Variants in VPS41 observed in about 807,000 individuals in gnomAD.
VPS41 encodes the protein vacuolar protein sorting-associated protein 41 homolog.
VPS41 carries 85 observed loss-of-function variants against 130.9 expected under a neutral mutation model. That is an observed-to-expected ratio of 0.65 (90% CI 0.55 to 0.78). The LOEUF (loss-of-function observed/expected upper bound fraction) is 0.78. Ranked by LOEUF, VPS41 falls within the 30% of genes least tolerant of loss-of-function variation. VPS41 has a pLI of 0.00. For synonymous variants in VPS41, 335 were observed against 332.9 expected, an observed-to-expected ratio of 1.01 and a Z score of -0.07; for missense variants, 874 against 1,018.7, an observed-to-expected ratio of 0.86 and a Z score of 1.93.
rs1224847040 is a variant in VPS41 at position 38,885,267 on chromosome 7, G to T, written c.60+12824C>A. On this transcript the variant is annotated intron_variant, in intron 2 of 28. Coordinates refer to ENST00000310301, the MANE Select transcript of VPS41 (RefSeq NM_014396.4). ...TTTTTGTATTTTTAGTAGAGACGGG[G>T]TTTCACCGTATTAGCCAGGACGGTC... Among the ~76,000 whole-genome samples the T allele has an allele frequency of 2.0e-5, 3 of 152,140 alleles. No individual in the cohort carries two copies. In the East Asian group the frequency reaches 5.8e-4, roughly 29 times the overall value.
intron 10 of VPS41, among the ~76,000 whole-genome samples, chr7:38,788,618 G>A (rs1784481437): frequency 6.6e-6 from 1 of 152,018 alleles, no homozygotes; most frequent in Non-Finnish European, 1.5e-5. Context: ...TTATTTTCTA[G>A]TAGGCAAGGA....
At chr7:38,820,851 G>C (rs910366291) in intron 6 of VPS41, among the ~76,000 whole-genome samples, 3 of 152,116 alleles carry the variant, frequency 2.0e-5, no homozygotes, top group African/African-American at 7.2e-5. Flanking sequence ...TCACTGACAA[G>C]AACAGCTAAA....
chr7:38,830,115 G>T, intron 5 of VPS41, 139 bp downstream of exon 5: 1 of 676,620 alleles, frequency 1.5e-6, no homozygotes, highest in South Asian at 1.9e-5. Flanking sequence ...CTTCAATTAT[G>T]ACCAATCAGA....
Position 38,812,022 on chromosome 7 carries a change from T to A in VPS41, c.450+5795A>T, listed in dbSNP as rs913082780. Among the ~76,000 whole-genome samples, 9 of 152,106 alleles carry A rather than the reference T, an allele frequency of 5.9e-5. No homozygotes were observed. The East Asian group carries it at 1.7e-3, about 29-fold the overall frequency. On this transcript the variant is annotated intron_variant, in intron 7 of 28. Transcript: ENST00000310301. The stretch of plus-strand genomic sequence containing the variant: ...TAAGGTAGGCTAGGCTAAGATGTGA[T>A]GTTCAGTAGGTTAAGTATATCAAAT...
intron 25 of VPS41, among the ~76,000 whole-genome samples, chr7:38,735,473 GTA>G (rs556679904): frequency 8.5e-4 from 129 of 151,956 alleles, no homozygotes; most frequent in African/African-American, 2.9e-3. Context: ...TTTGGATGAG[GTA>G]TGTGTGTGTA....
chr7:38,785,124 C>T (rs939598170), intron 10 of VPS41, among the ~76,000 whole-genome samples: 1 of 152,100 alleles, frequency 6.6e-6, no homozygotes, highest in Non-Finnish European at 1.5e-5. Flanking sequence ...CCTTAGTCAC[C>T]AGATATTAGT....
At chr7:38,888,288 A>G (rs1030774629) in intron 2 of VPS41, among the ~76,000 whole-genome samples, 4 of 152,320 alleles carry the variant, frequency 2.6e-5, no homozygotes, top group South Asian at 2.1e-4. Flanking sequence ...CCTACCTCAC[A>G]TGCAAAGACA....
chr7:38,868,129 C>T (rs1008113074), intron 3 of VPS41, among the ~76,000 whole-genome samples: 1 of 152,082 alleles, frequency 6.6e-6, no homozygotes, highest in Non-Finnish European at 1.5e-5. Flanking sequence ...GGAGATGAAA[C>T]AGAGAAGAGG....
rs764744938 is a variant in VPS41 at position 38,862,545 on chromosome 7, T to C, written c.246A>G (p.Val82=). Reference sequence around the variant, plus strand: ...ACATTATTTTATACAGAATACTTACTACATCAAACTTCTGAGTGATGTTCC... The same window carrying C: ...ACATTATTTTATACAGAATACTTACCACATCAAACTTCTGAGTGATGTTCC... ...VQGNITQKFD[V]SPVKINQISL... Residue 82 remains valine (V), a splice_region_variant and synonymous_variant, in exon 4 of 29, where the codon GTA becomes GTG. Transcript: ENST00000310301. The C allele has an allele frequency of 1.0e-5, 16 of 1,581,850 alleles. 1 individual carries two copies. The South Asian group carries it at 1.7e-4, about 17-fold the overall frequency.
chr7:38,901,393 C>A (rs775952415), intron 1 of VPS41, among the ~76,000 whole-genome samples: 1 of 152,122 alleles, frequency 6.6e-6, no homozygotes, highest in Non-Finnish European at 1.5e-5. Flanking sequence ...ACCAGAAGCA[C>A]GGCACCAGCA....
Position 38,723,740 on chromosome 7 carries a change from A to AAAAAAAAAAAAAAAG in VPS41, c.*2505_*2506insCTTTTTTTTTTTTTT. On this transcript the variant is annotated 3_prime_UTR_variant, in exon 29 of 29. Transcript: ENST00000310301. ...CTCCATCTCAAAAAAAAAAAAAAAA[A>AAAAAAAAAAAAAAAG]AAAAAAAAAAAAGAATAGCTTATGA... The AAAAAAAAAAAAAAAG allele has an allele frequency of 6.7e-6, 1 of 149,976 alleles. No homozygotes were observed. The highest frequency in any genetic ancestry group is 1.5e-5 in the Non-Finnish European group (1 of 67,722). The allele number at this position is 149,976 out of a possible 1,614,324, so 9.3% of individuals were successfully genotyped here. A position where few individuals can be genotyped will look rare whatever the true frequency, so the allele number is the denominator to read the frequency against.
chr7:38,869,745 G>A (rs1330958099), intron 2 of VPS41, among the ~76,000 whole-genome samples: 2 of 152,118 alleles, frequency 1.3e-5, no homozygotes, highest in Non-Finnish European at 2.9e-5. Context: ...CAAAACAGAA[G>A]TTCATAAAAA....
chr7:38,753,632 C>T (rs1783727595), intron 21 of VPS41, among the ~76,000 whole-genome samples: 1 of 152,162 alleles, frequency 6.6e-6, no homozygotes, highest in South Asian at 2.1e-4. Context: ...TTCACCATTG[C>T]ACTGATTACA....
chr7:38,901,329 C>T (rs1197537462), intron 1 of VPS41, among the ~76,000 whole-genome samples: 2 of 152,086 alleles, frequency 1.3e-5, no homozygotes, highest in South Asian at 2.1e-4. Flanking sequence ...CTAACTAAGG[C>T]GGGTTAATTT....
At chr7:38,822,418 A>C (rs1785189218) in intron 5 of VPS41, among the ~76,000 whole-genome samples, 1 of 152,236 alleles carries the variant, frequency 6.6e-6, no homozygotes, top group Admixed American at 6.5e-5. Flanking sequence ...TTTGTAAGTA[A>C]GGAATCATAT....
At chr7:38,731,375 T>A (rs1160875062) in intron 25 of VPS41, among the ~76,000 whole-genome samples, 1 of 152,204 alleles carries the variant, frequency 6.6e-6, no homozygotes, top group Non-Finnish European at 1.5e-5. Flanking sequence ...CAGTGACTCA[T>A]GAAAAATGTG....
At chr7:38,761,021 A>T (rs1024749395) in intron 17 of VPS41, among the ~76,000 whole-genome samples, 1 of 152,112 alleles carries the variant, frequency 6.6e-6, no homozygotes, top group Non-Finnish European at 1.5e-5. Context: ...TTTAGATTAC[A>T]AACTTCTTAT....
intron 7 of VPS41, among the ~76,000 whole-genome samples, chr7:38,815,924 CTATATA>C (rs3056367): frequency 6.7e-6 from 1 of 150,048 alleles, no homozygotes; most frequent in African/African-American, 2.5e-5. Flanking sequence ...CAATAAACTA[CTATATA>C]TATATATATA....
intron 4 of VPS41, among the ~76,000 whole-genome samples, chr7:38,857,601 A>G (rs1283036579): frequency 6.6e-6 from 1 of 152,228 alleles, no homozygotes; most frequent in Admixed American, 6.5e-5. Flanking sequence ...ATTGGAGGCT[A>G]TTAAAGAAAA....
Sources: gnomAD v4.1 joint callset for allele counts (sites outside exome capture counted in the v4.1 genomes callset) on GRCh38, gnomAD v4.1.1 for gene constraint, MANE v1.5 for transcripts, NCBI Gene and HGNC (gene_info 2026-07-23, HGNC 2026-07-21) for gene names.